BCKDHB: variants seen among roughly 807,000 people sequenced by gnomAD.
BCKDHB encodes branched chain keto acid dehydrogenase E1 subunit beta.
BCKDHB carries 41 observed loss-of-function variants against 48.5 expected under a neutral mutation model. That is an observed-to-expected ratio of 0.85 (90% CI 0.66 to 1.10). The LOEUF is 1.10. Among genes scored for constraint, BCKDHB ranks in the 50% least tolerant of loss-of-function variants. The probability of loss-of-function intolerance (pLI) is 0.00; values close to 1 mark genes in which losing one functional copy is unlikely to be tolerated. For missense variants in BCKDHB, 496 were observed against 494.2 expected (o/e 1.00, Z -0.03); for synonymous variants, 201 against 174.8 (o/e 1.15, Z -1.18).
At position 80,147,819 on chromosome 6, in the gene BCKDHB, G is replaced by C. The variant is rs975069810; in HGVS notation, c.343+18590G>C. Among the ~76,000 whole-genome samples, 161 of 152,244 alleles carry C rather than the reference G, an allele frequency of 1.1e-3. 1 individual carries two copies. Among genetic ancestry groups the C allele is most frequent in the African/African-American group, 3.7e-3 (153 of 41,538 alleles). On this transcript the variant is annotated intron_variant, in intron 3 of 9. Transcript: ENST00000320393. ...TGAGAACCACAGCACCTATCTGAGAGGTAATGAGAGTCTAAATTGTGGTAG... is the reference window on the plus strand; with the variant it reads ...TGAGAACCACAGCACCTATCTGAGACGTAATGAGAGTCTAAATTGTGGTAG...
At chr6:80,238,839 G>C (rs1776257265) in intron 8 of BCKDHB, among the ~76,000 whole-genome samples, 1 of 152,108 alleles carries the variant, frequency 6.6e-6, no homozygotes, top group African/African-American at 2.4e-5. Flanking sequence ...CTATGAGTGA[G>C]AACATGTGGT....
At chr6:80,392,509 T>C in the BCKDHB span, among the ~76,000 whole-genome samples, 5 of 152,030 alleles carry the variant, frequency 3.3e-5, no homozygotes, top group African/African-American at 1.2e-4. Flanking sequence ...AAATTTGTCC[T>C]CAATAATATT....
At chr6:80,374,418 A>T in the BCKDHB span, 1 of 777,950 alleles carries the variant, frequency 1.3e-6, no homozygotes, top group Non-Finnish European at 2.4e-6. Context: ...CTGTAAAGTG[A>T]CATCTTTCAG....
At chr6:80,275,845 A>C (rs1777949339) in intron 9 of BCKDHB, among the ~76,000 whole-genome samples, 2 of 152,082 alleles carry the variant, frequency 1.3e-5, no homozygotes, top group South Asian at 4.1e-4. Context: ...GTATCAAATT[A>C]CCAGTGCCTT....
At chr6:80,415,013 G>T in the BCKDHB span, among the ~76,000 whole-genome samples, 1 of 151,798 alleles carries the variant, frequency 6.6e-6, no homozygotes, top group Non-Finnish European at 1.5e-5. Flanking sequence ...GTGTGTGTGT[G>T]TGTGTGTGTG....
At chr6:80,107,022 C>T (rs565515226) in intron 1 of BCKDHB, 133 bp downstream of exon 1, 346 of 1,183,418 alleles carry the variant, frequency 2.9e-4, no homozygotes, top group Middle Eastern at 5.5e-4. Flanking sequence ...TCTCTGGAAC[C>T]TCCTTGCCTC....
At chr6:80,379,262 GGGA>G in the BCKDHB span, among the ~76,000 whole-genome samples, 4 of 151,984 alleles carry the variant, frequency 2.6e-5, no homozygotes, top group Non-Finnish European at 5.9e-5. Context: ...CTTTATTCCA[GGGA>G]GGCAAGGATG....
At chr6:80,332,816 A>G (rs1038040208) in intron 9 of BCKDHB, among the ~76,000 whole-genome samples, 7 of 152,048 alleles carry the variant, frequency 4.6e-5, no homozygotes, top group South Asian at 2.1e-4. Context: ...TTAGAACTCA[A>G]GTGGCAGCTC....
intron 6 of BCKDHB, among the ~76,000 whole-genome samples, chr6:80,175,738 G>A (rs944893267): frequency 6.6e-6 from 1 of 152,168 alleles, no homozygotes; most frequent in Non-Finnish European, 1.5e-5. Flanking sequence ...TCTTTATATT[G>A]TGGTAATAGT....
At chr6:80,170,891 T>A (rs540724256) in intron 5 of BCKDHB, among the ~76,000 whole-genome samples, 1 of 152,338 alleles carries the variant, frequency 6.6e-6, no homozygotes, top group African/African-American at 2.4e-5. Flanking sequence ...GAGAGTTGCA[T>A]GTACTTTGAA....
At chr6:80,138,373 A>G (rs899797357) in intron 3 of BCKDHB, among the ~76,000 whole-genome samples, 1 of 152,022 alleles carries the variant, frequency 6.6e-6, no homozygotes, top group Non-Finnish European at 1.5e-5. Context: ...TACATGTGCA[A>G]TGCTGGTACA....
chr6:80,466,413 G>A, the BCKDHB span, among the ~76,000 whole-genome samples: 1 of 152,162 alleles, frequency 6.6e-6, no homozygotes, highest in Admixed American at 6.5e-5. Flanking sequence ...ATTGCCATAA[G>A]AGGTAAGTAA....
At chr6:80,135,394 T>A (rs1770836216) in intron 3 of BCKDHB, among the ~76,000 whole-genome samples, 2 of 152,112 alleles carry the variant, frequency 1.3e-5, no homozygotes, top group Non-Finnish European at 2.9e-5. Context: ...ATTTATGACA[T>A]ACAAGCAGAT....
chr6:80,213,628 TCTC>T (rs529272767), intron 8 of BCKDHB, among the ~76,000 whole-genome samples: 52 of 151,818 alleles, frequency 3.4e-4, no homozygotes, highest in Non-Finnish European at 6.9e-4. Context: ...CCCAAAGCAA[TCTC>T]CTACCTTTTT....
the BCKDHB span, among the ~76,000 whole-genome samples, chr6:80,400,841 A>G: frequency 2.8e-4 from 42 of 152,178 alleles, no homozygotes; most frequent in African/African-American, 9.6e-4. Context: ...TAGGCTGGAT[A>G]AAGAAAATGT....
At chr6:80,160,835 T>C (rs896255175) in intron 3 of BCKDHB, among the ~76,000 whole-genome samples, 2 of 152,246 alleles carry the variant, frequency 1.3e-5, no homozygotes, top group Non-Finnish European at 2.9e-5. Context: ...CATGGAGTTA[T>C]ACAAAGCAGG....
the BCKDHB span, among the ~76,000 whole-genome samples, chr6:80,465,587 T>C: frequency 6.6e-6 from 1 of 152,214 alleles, no homozygotes; most frequent in African/African-American, 2.4e-5. Flanking sequence ...ACATCAGAAC[T>C]TCAGAGTTAT....
At chr6:80,247,200 C>G (rs1776653741) in intron 8 of BCKDHB, among the ~76,000 whole-genome samples, 1 of 152,220 alleles carries the variant, frequency 6.6e-6, no homozygotes, top group Non-Finnish European at 1.5e-5. Context: ...TTTTAAATTG[C>G]TATTTGGAAA....
intron 9 of BCKDHB, among the ~76,000 whole-genome samples, chr6:80,337,783 G>A (rs554328469): frequency 2.0e-5 from 3 of 152,214 alleles, no homozygotes; most frequent in African/African-American, 4.8e-5. Flanking sequence ...AAGTTGTGGA[G>A]TGATGTTTCT....
Sources: allele counts gnomAD v4.1 joint callset (sites outside exome capture counted in the v4.1 genomes callset), GRCh38; gene constraint gnomAD v4.1.1; transcripts MANE v1.5; gene names NCBI Gene and HGNC (gene_info 2026-07-23, HGNC 2026-07-21).